The following ZNF324B variants were observed in gnomAD, a reference collection of about 807,000 sequenced individuals.
The protein encoded by ZNF324B is zinc finger protein 324B.
ZNF324B carries 7 observed loss-of-function variants against 10.6 expected under a neutral mutation model. That is an observed-to-expected ratio of 0.66 (90% CI 0.38 to 1.24). ZNF324B has a LOEUF of 1.24. Ranked by LOEUF, ZNF324B falls within the 50% of genes most tolerant of loss-of-function variation. The pLI is 0.02. For synonymous variants in ZNF324B, 316 were observed against 321.0 expected (o/e 0.98, Z 0.17); for missense variants, 640 against 764.7 (o/e 0.84, Z 1.92).
At chr19:58,431,760 G>A in the ZNF324B span, among the ~76,000 whole-genome samples, 1 of 152,192 alleles carries the variant, frequency 6.6e-6, no homozygotes, top group Non-Finnish European at 1.5e-5. Context: ...GGGAGTCCAA[G>A]GCAGGCAGAT....
the ZNF324B span, chr19:58,437,272 C>A: frequency 6.6e-7 from 1 of 1,519,726 alleles, no homozygotes; most frequent in South Asian, 1.3e-5. Context: ...TGCTGTGTGA[C>A]TCAGAATCCT....
At position 58,455,733 on chromosome 19, in the gene ZNF324B, C is replaced by T; in HGVS notation, c.789C>T (p.Ser263=). ...AGTCCTTCGAATGCAGGGCGTGCAGCAAAGTGTTCGTGAAGAGCTCCGACC... is the reference window on the plus strand; with the variant it reads ...AGTCCTTCGAATGCAGGGCGTGCAGTAAAGTGTTCGTGAAGAGCTCCGACC... ...GEKSFECRAC[S]KVFVKSSDLL... is the part of the protein sequence containing the mutation. The change falls in exon 4 of 4, where the codon AGC becomes AGT. Residue 263 remains serine (S), a synonymous_variant. Transcript: ENST00000336614. The surrounding 1 kb of genome is among the most constrained non-coding windows in gnomAD (Gnocchi z 7.0). 6.2e-7 allele frequency: 1 copy of T among 1,613,878 alleles called. No individual in the cohort carries two copies. The highest frequency in any genetic ancestry group is 8.5e-7 in the Non-Finnish European group (1 of 1,179,958).
chr19:58,452,761 C>G (rs1310922170), intron 1 of ZNF324B: 2 of 594,488 alleles, frequency 3.4e-6, no homozygotes, highest in African/African-American at 4.0e-5. Context: ...AGCAGTCAGG[C>G]GTGCGGAGTT....
Position 58,456,239 on chromosome 19 carries a change from G to T in ZNF324B, c.1295G>T (p.Arg432Leu). 1 of 1,612,936 alleles carries T rather than the reference G, an allele frequency of 6.2e-7. No individual in the cohort carries two copies. The highest frequency in any genetic ancestry group is 8.5e-7 in the Non-Finnish European group (1 of 1,179,860). The change falls in exon 4 of 4, where the codon CGC becomes CTC. Residue 432 changes from arginine to leucine, a missense_variant. Arg to Leu is a moderately radical substitution (Grantham distance 102). Around this residue, in one of 3 missense-constraint regions of ZNF324B, gnomAD observed 238 missense variants for 258.0 expected, o/e 0.92. Transcript: ENST00000336614. The surrounding 1 kb of genome is among the most constrained non-coding windows in gnomAD (Gnocchi z 4.7). Reference sequence around the variant, plus strand: ...CCCTTCGCCTGCGCCCAGTGCGGCCGCTCCTTTAGCCGCAGCTCCAACCTC... The same window carrying T: ...CCCTTCGCCTGCGCCCAGTGCGGCCTCTCCTTTAGCCGCAGCTCCAACCTC... ...EKPFACAQCG[R>L]SFSRSSNLTQ...
upstream of ZNF324B, among the ~76,000 whole-genome samples, chr19:58,448,950 A>G (rs1486958801): frequency 3.3e-5 from 5 of 152,248 alleles, no homozygotes; most frequent in Admixed American, 2.0e-4. Flanking sequence ...TCAAATGTTA[A>G]TCGCCCGGAC....
At chr19:58,440,009 T>C in the ZNF324B span, 1 of 615,128 alleles carries the variant, frequency 1.6e-6, no homozygotes. Flanking sequence ...GGGAACACCT[T>C]GGCTCATAAA....
intron 3 of ZNF324B, chr19:58,454,665 T>G (rs2052895660): frequency 3.6e-6 from 2 of 560,810 alleles, no homozygotes; most frequent in South Asian, 5.2e-5. Context: ...AAATGTTTCC[T>G]GAGGGCTTGT....
the ZNF324B span, chr19:58,434,807 C>G: frequency 3.7e-6 from 6 of 1,614,216 alleles, no homozygotes; most frequent in Non-Finnish European, 5.1e-6. Flanking sequence ...CCACTGTCAA[C>G]AGCTTGAAGC....
the ZNF324B span, chr19:58,434,685 G>T: frequency 6.2e-7 from 1 of 1,614,212 alleles, no homozygotes; most frequent in Non-Finnish European, 8.5e-7. Context: ...TTCTCAGATG[G>T]TTGGGGAGAG....
At chr19:58,436,496 C>G in the ZNF324B span, among the ~76,000 whole-genome samples, 1 of 151,756 alleles carries the variant, frequency 6.6e-6, no homozygotes, top group African/African-American at 2.4e-5. Flanking sequence ...GAAACCCCCT[C>G]TCTACTGAAA....
At chr19:58,452,776 C>A in intron 1 of ZNF324B, 3 of 483,568 alleles carry the variant, frequency 6.2e-6, no homozygotes, top group Non-Finnish European at 8.1e-6. Flanking sequence ...GGAGTTACAG[C>A]TTGAGGGTAA....
At chr19:58,437,629 A>G in the ZNF324B span, 85 of 875,408 alleles carry the variant, frequency 9.7e-5, no homozygotes, top group Non-Finnish European at 2.9e-5. Context: ...TCACCTTTAC[A>G]TGTCACTCCT....
In ZNF324B at chr19:58,455,142, A is replaced by G; in HGVS notation, c.239-41A>G. ...ACTCAGCCTGCCCTGGTCCTCTCCT[A>G]ACCAGGATGCCCCAGGCAACCACCG... On this transcript the variant is annotated intron_variant, in intron 3 of 3. Coordinates refer to ENST00000336614, the MANE Select transcript of ZNF324B (RefSeq NM_207395.3). The surrounding 1 kb of genome is among the most constrained non-coding windows in gnomAD (Gnocchi z 7.0). 1 of 1,613,006 alleles carries G rather than the reference A, an allele frequency of 6.2e-7. No individual in the cohort carries two copies. The highest frequency in any genetic ancestry group is 2.2e-5 in the East Asian group (1 of 44,872).
chr19:58,437,352 G>T, the ZNF324B span: 1 of 1,034,102 alleles, frequency 9.7e-7, no homozygotes, highest in Non-Finnish European at 1.4e-6. Context: ...CCCATCCACA[G>T]CTTATCTTCT....
chr19:58,426,019 C>T, the ZNF324B span, among the ~76,000 whole-genome samples: 1 of 152,114 alleles, frequency 6.6e-6, no homozygotes, highest in Non-Finnish European at 1.5e-5. Context: ...ATTTTCATAT[C>T]CATTGAGGGT....
At chr19:58,450,865 T>A (rs1380077417), upstream of ZNF324B, among the ~76,000 whole-genome samples, 1 of 152,180 alleles carries the variant, frequency 6.6e-6, no homozygotes, top group African/African-American at 2.4e-5. Flanking sequence ...TTGTTATGTG[T>A]CAAAGACACT....
the ZNF324B span, chr19:58,433,411 G>A: frequency 1.9e-6 from 3 of 1,614,136 alleles, no homozygotes; most frequent in Admixed American, 3.3e-5. Context: ...CCTTTCTCTG[G>A]TGTGAACTTT....
chr19:58,423,548 T>C, the ZNF324B span, among the ~76,000 whole-genome samples: 2 of 152,284 alleles, frequency 1.3e-5, no homozygotes, highest in East Asian at 1.9e-4. Flanking sequence ...ATGCATTTTT[T>C]CCCCACAGAA....
chr19:58,428,481 C>T, the ZNF324B span, among the ~76,000 whole-genome samples: 1 of 152,088 alleles, frequency 6.6e-6, no homozygotes, highest in African/African-American at 2.4e-5. Context: ...TGCTTGGTGG[C>T]CACCAGAAGT....
Sources: gnomAD v4.1 joint callset for allele counts (sites outside exome capture counted in the v4.1 genomes callset) on GRCh38, gnomAD v4.1.1 for gene constraint, gnomAD v4.1.1 regional missense constraint, Gnocchi (gnomAD v3.1) non-coding constraint, MANE v1.5 for transcripts, NCBI Gene and HGNC (gene_info 2026-07-23, HGNC 2026-07-21) for gene names.